BTNL8: variants seen among roughly 807,000 people sequenced by gnomAD.
The protein encoded by BTNL8 is butyrophilin-like protein 8.
A neutral mutation model predicts 36.1 loss-of-function variants in BTNL8; 22 were observed. That is an observed-to-expected ratio of 0.61 (90% CI 0.44 to 0.87). BTNL8 has a LOEUF of 0.87. Among genes scored for constraint, BTNL8 ranks in the 40% least tolerant of loss-of-function variants. BTNL8 has a pLI of 0.00. For synonymous variants in BTNL8, 203 were observed against 235.6 expected (o/e 0.86, Z 1.27); for missense variants, 526 against 616.9 (o/e 0.85, Z 1.56).
intron 3 of BTNL8, among the ~76,000 whole-genome samples, chr5:180,936,911 T>G (rs186968687): frequency 3.1e-4 from 47 of 152,334 alleles, no homozygotes; most frequent in African/African-American, 1.0e-3. Context: ...GGAATTAGCC[T>G]GCCCAGCATC....
intron 2 of BTNL8, 88 bp from the exon 3 acceptor site, chr5:180,911,251 G>C (rs1041670938): frequency 5.2e-6 from 8 of 1,536,452 alleles, no homozygotes; most frequent in South Asian, 3.7e-5. Flanking sequence ...GAGAATGGGT[G>C]GGGGGTGGAC....
rs778019983 is a variant in BTNL8 at position 180,949,109 on chromosome 5, A to G, written c.836-130A>G. 4.6e-4 allele frequency: 619 copies of G among 1,331,246 alleles called. 134 individuals are homozygous for G. Among genetic ancestry groups the G allele is most frequent in the Non-Finnish European group, 5.9e-4 (570 of 967,268 alleles). The allele number at this position is 1,331,246 out of a possible 1,614,324, so 82.5% of individuals were successfully genotyped here. On this transcript the variant is annotated intron_variant, in intron 6 of 7. Transcript: ENST00000340184. ...GAGGTGCATTTTGTAGAGAAGCCCC[A>G]TAGCCTTCTTCGGATCTCTGGAGGG...
chr5:180,945,092 G>A (rs964051974), intron 3 of BTNL8, among the ~76,000 whole-genome samples: 3 of 152,166 alleles, frequency 2.0e-5, no homozygotes, highest in African/African-American at 7.2e-5. Context: ...TAATTAAAAC[G>A]TCCTGGGGCT....
chr5:180,899,742 A>C (rs369443678), intron 1 of BTNL8, among the ~76,000 whole-genome samples: 2 of 152,222 alleles, frequency 1.3e-5, no homozygotes, highest in East Asian at 1.9e-4. Context: ...AGCTAAAGAC[A>C]TGCTGAGTTA....
chr5:180,939,985 C>T (rs1442129960), intron 3 of BTNL8, among the ~76,000 whole-genome samples: 1 of 152,130 alleles, frequency 6.6e-6, no homozygotes, highest in Admixed American at 6.5e-5. Flanking sequence ...TTCTTCTGAA[C>T]AACCATTGGC....
At chr5:180,920,772 CA>C (rs2113805202) in intron 3 of BTNL8, among the ~76,000 whole-genome samples, 1 of 152,012 alleles carries the variant, frequency 6.6e-6, no homozygotes, top group South Asian at 2.1e-4. Flanking sequence ...TTACAATGGG[CA>C]AAGTACATGA....
rs757779355 is a variant in BTNL8, at chr5:180,950,103, C to G, written c.1062C>G (p.Arg354=). Residue 354 remains arginine (R), a synonymous_variant, in exon 8 of 8, where the codon CGC becomes CGG. Transcript: ENST00000340184. ...EVDGGHNKRW[R]VGVCRDDVDR... ...ACGGAGGACACAATAAAAGGTGGCG[C>G]GTGGGAGTGTGCCGGGATGATGTGG... The G allele has an allele frequency of 1.4e-6, 2 of 1,462,508 alleles. No homozygotes were observed. The highest frequency in any genetic ancestry group is 1.4e-5 in the African/African-American group (1 of 72,226). The allele number at this position is 1,462,508 out of a possible 1,614,324, so 90.6% of individuals were successfully genotyped here.
At chr5:180,948,251 G>T in intron 4 of BTNL8, 104 bp from the exon 5 acceptor site, 1 of 1,424,236 alleles carries the variant, frequency 7.0e-7, no homozygotes, top group Non-Finnish European at 9.8e-7. Flanking sequence ...GAGAGGCCCT[G>T]CCCTTCACAC....
At chr5:180,931,487 C>T (rs533056708) in intron 3 of BTNL8, among the ~76,000 whole-genome samples, 3 of 152,168 alleles carry the variant, frequency 2.0e-5, no homozygotes, top group Non-Finnish European at 4.4e-5. Context: ...AGAGCTTCTG[C>T]ACAGCAAAAG....
At chr5:180,918,924 GACCCT>G (rs928582682) in intron 3 of BTNL8, among the ~76,000 whole-genome samples, 4 of 152,118 alleles carry the variant, frequency 2.6e-5, no homozygotes, top group African/African-American at 4.8e-5. Context: ...CATAAGTGGC[GACCCT>G]TAGAGGCAAT....
At chr5:180,943,020 A>G (rs1448875719) in intron 3 of BTNL8, among the ~76,000 whole-genome samples, 1 of 152,112 alleles carries the variant, frequency 6.6e-6, no homozygotes, top group Non-Finnish European at 1.5e-5. Flanking sequence ...ATGGGAGAAA[A>G]TATTTGCAAA....
chr5:180,913,674 A>G (rs751459398), intron 3 of BTNL8, among the ~76,000 whole-genome samples: 5 of 152,214 alleles, frequency 3.3e-5, no homozygotes, highest in Non-Finnish European at 7.4e-5. Context: ...GGTTGGCTGA[A>G]GCATGGATCA....
At chr5:180,922,683 A>G (rs555730817) in intron 3 of BTNL8, among the ~76,000 whole-genome samples, 4 of 150,602 alleles carry the variant, frequency 2.7e-5, no homozygotes, top group African/African-American at 9.8e-5. Flanking sequence ...TTTTGGGTGG[A>G]GAGTTATGTA....
At chr5:180,915,688 T>C (rs1757596646) in intron 3 of BTNL8, among the ~76,000 whole-genome samples, 1 of 152,198 alleles carries the variant, frequency 6.6e-6, no homozygotes. Context: ...AAAAGATTCA[T>C]TTACCATGAT....
At chr5:180,929,407 C>T (rs1032510852) in intron 3 of BTNL8, among the ~76,000 whole-genome samples, 3 of 151,938 alleles carry the variant, frequency 2.0e-5, no homozygotes, top group South Asian at 4.1e-4. Flanking sequence ...AAAAGAACTA[C>T]AGAAGCAAGA....
At chr5:180,907,798 C>T (rs1453699567) in intron 1 of BTNL8, among the ~76,000 whole-genome samples, 5 of 151,630 alleles carry the variant, frequency 3.3e-5, no homozygotes, top group Non-Finnish European at 7.4e-5. Flanking sequence ...TCAGTGTGCC[C>T]CTGCTGGGGG....
intron 3 of BTNL8, among the ~76,000 whole-genome samples, chr5:180,919,953 C>G (rs1757793500): frequency 6.6e-6 from 1 of 152,036 alleles, no homozygotes; most frequent in South Asian, 2.1e-4. Flanking sequence ...TCATACTACC[C>G]AAATCAATTT....
At position 180,942,882 on chromosome 5, in the gene BTNL8, AT is replaced by A. The variant is rs575733976; in HGVS notation, c.674-4621del. Reference sequence around the variant, plus strand: ...CTTCAGGACATTGGACTGGGCAATAATTTTTTTTTATGTGATTTCAAAACCA... The same window carrying A: ...CTTCAGGACATTGGACTGGGCAATAATTTTTTTTATGTGATTTCAAAACCA... On this transcript the variant is annotated intron_variant, in intron 3 of 7. Transcript: ENST00000340184. Among the ~76,000 whole-genome samples the A allele has an allele frequency of 3.0e-4, 46 of 151,708 alleles. No homozygotes were observed. In the South Asian group the frequency reaches 7.7e-3, roughly 25 times the overall value.
chr5:180,932,596 G>A (rs781568287), intron 3 of BTNL8, among the ~76,000 whole-genome samples: 19 of 152,002 alleles, frequency 1.2e-4, no homozygotes, highest in African/African-American at 3.1e-4. Flanking sequence ...TGATCCGCCC[G>A]CCTCGGCCTC....
Sources: allele counts gnomAD v4.1 joint callset (sites outside exome capture counted in the v4.1 genomes callset), GRCh38; gene constraint gnomAD v4.1.1; transcripts MANE v1.5; gene names NCBI Gene and HGNC (gene_info 2026-07-23, HGNC 2026-07-21).